The following LRRC28 variants were observed in gnomAD, a reference collection of about 807,000 sequenced individuals.
LRRC28 encodes leucine-rich repeat-containing protein 28.
LRRC28 carries 39 observed loss-of-function variants against 45.7 expected under a neutral mutation model. The observed-to-expected ratio is 0.85, with a 90% CI of 0.66 to 1.12. The LOEUF (loss-of-function observed/expected upper bound fraction) is 1.12, where lower values mean the gene tolerates loss of function less well. LRRC28 is among the 50% of genes most tolerant of loss of function. The pLI is 0.00. For synonymous variants in LRRC28, 206 were observed against 178.8 expected (o/e 1.15, Z -1.22); for missense variants, 435 against 438.5 (o/e 0.99, Z 0.07).
intron 7 of LRRC28, among the ~76,000 whole-genome samples, chr15:99,356,606 G>A (rs1180568409): frequency 6.6e-6 from 1 of 152,068 alleles, no homozygotes; most frequent in African/African-American, 2.4e-5. Context: ...AAGGAAAATA[G>A]GGAGAGAATG....
At chr15:99,360,352 T>C (rs1323050665) in intron 7 of LRRC28, among the ~76,000 whole-genome samples, 1 of 152,002 alleles carries the variant, frequency 6.6e-6, no homozygotes, top group Non-Finnish European at 1.5e-5. Context: ...CTGGACAGAG[T>C]CAGTCAACCC....
intron 6 of LRRC28, among the ~76,000 whole-genome samples, chr15:99,346,531 C>T (rs1029290673): frequency 2.0e-5 from 3 of 152,032 alleles, no homozygotes; most frequent in African/African-American, 7.2e-5. Flanking sequence ...CTGGCAATGC[C>T]GTGTTGAGAC....
chr15:99,382,173 C>T (rs528074614), intron 9 of LRRC28, among the ~76,000 whole-genome samples: 2 of 152,362 alleles, frequency 1.3e-5, no homozygotes, highest in Non-Finnish European at 2.9e-5. Context: ...CTGCGGTGGG[C>T]TCCACCCAGT....
intron 5 of LRRC28, among the ~76,000 whole-genome samples, chr15:99,301,832 A>C (rs1954980121): frequency 1.3e-5 from 2 of 152,176 alleles, no homozygotes; most frequent in Non-Finnish European, 1.5e-5. Flanking sequence ...ACATATGTAA[A>C]ATTATGATAT....
intron 5 of LRRC28, among the ~76,000 whole-genome samples, chr15:99,292,396 C>T (rs1338477024): frequency 5.2e-5 from 7 of 133,416 alleles, no homozygotes; most frequent in East Asian, 2.4e-4. Flanking sequence ...CTCGCTCTGT[C>T]GCCCAGGCCG....
chr15:99,370,963 A>G (rs1251299083), intron 9 of LRRC28, among the ~76,000 whole-genome samples: 1 of 152,214 alleles, frequency 6.6e-6, no homozygotes, highest in Non-Finnish European at 1.5e-5. Flanking sequence ...TTTAATTATT[A>G]AAACATTAGT....
chr15:99,277,252 C>G (rs2081642839), intron 3 of LRRC28, among the ~76,000 whole-genome samples: 1 of 151,980 alleles, frequency 6.6e-6, no homozygotes, highest in Non-Finnish European at 1.5e-5. Flanking sequence ...TTCAAGAGGT[C>G]AAGGAAGGAA....
At chr15:99,285,546 T>C (rs1189425425) in intron 3 of LRRC28, 26 of 1,046,522 alleles carry the variant, frequency 2.5e-5, no homozygotes, top group Non-Finnish European at 3.4e-5. Flanking sequence ...TCCTCAGCTG[T>C]TCGGGCTCTT....
rs570777694 is a variant in LRRC28, at chr15:99,291,078, T to G, written c.385+3127T>G. Reference sequence around the variant, plus strand: ...ATGTGGTAGAATATAGTCATTGCCTTCCATTATATATTCTTAGAGGTTAAG... The same window carrying G: ...ATGTGGTAGAATATAGTCATTGCCTGCCATTATATATTCTTAGAGGTTAAG... On this transcript the variant is annotated intron_variant, in intron 5 of 9. Coordinates refer to ENST00000301981, the MANE Select transcript of LRRC28 (RefSeq NM_144598.5). Among the ~76,000 whole-genome samples the G allele has an allele frequency of 1.2e-4, 18 of 152,354 alleles. No homozygotes were observed. In the East Asian group the frequency reaches 3.5e-3, roughly 29 times the overall value.
intron 5 of LRRC28, among the ~76,000 whole-genome samples, chr15:99,332,495 T>C (rs546459282): frequency 6.6e-6 from 1 of 152,360 alleles, no homozygotes; most frequent in African/African-American, 2.4e-5. Context: ...TAAATCCTCC[T>C]ACTAACAAAA....
chr15:99,379,776 T>C (rs1234828451), intron 9 of LRRC28, among the ~76,000 whole-genome samples: 2 of 152,228 alleles, frequency 1.3e-5, no homozygotes, highest in African/African-American at 4.8e-5. Context: ...ACATCTTTAT[T>C]TCTGCCTTCA....
chr15:99,285,625 A>G lies in LRRC28; in HGVS notation c.210-1632A>G, dbSNP rs2081938511. 4 of 661,888 alleles carry G rather than the reference A, an allele frequency of 6.0e-6. No homozygotes were observed. In the South Asian group the frequency reaches 7.3e-5, roughly 12 times the overall value. 41.0% of individuals were successfully genotyped at this position (661,888 alleles called of 1,614,324 possible). On this transcript the variant is annotated intron_variant, in intron 3 of 9. Transcript: ENST00000301981. ...TAACGATGCTTCCTCAGCAGCATCC[A>G]TGGGCAGCCACTGTGTACTATTTCA...
At chr15:99,351,735 C>T (rs964240101) in intron 6 of LRRC28, among the ~76,000 whole-genome samples, 1 of 152,176 alleles carries the variant, frequency 6.6e-6, no homozygotes, top group Non-Finnish European at 1.5e-5. Context: ...AAAAGTTATT[C>T]AGTGGCACTT....
intron 6 of LRRC28, among the ~76,000 whole-genome samples, chr15:99,336,107 A>G (rs530179895): frequency 2.6e-5 from 4 of 152,204 alleles, no homozygotes; most frequent in Non-Finnish European, 5.9e-5. Flanking sequence ...CAATAATGGT[A>G]TTATGTATAC....
intron 7 of LRRC28, among the ~76,000 whole-genome samples, chr15:99,356,575 C>T (rs1957053213): frequency 6.6e-6 from 1 of 152,056 alleles, no homozygotes; most frequent in Non-Finnish European, 1.5e-5. Flanking sequence ...GAATCTTATG[C>T]ATGTATAATT....
rs991963278 is a variant in LRRC28, at chr15:99,310,045, G to A, written c.385+22094G>A. 4.6e-5 allele frequency among the ~76,000 whole-genome samples: 7 copies of A among 152,292 alleles called. No homozygotes were observed. In the East Asian group the frequency reaches 7.7e-4, roughly 17 times the overall value. Reference sequence around the variant, plus strand: ...GACTTCTGAGGGTCATGTGAAAATCGTACAGAAGTCAAAAGTGAACTGTTA... The same window carrying A: ...GACTTCTGAGGGTCATGTGAAAATCATACAGAAGTCAAAAGTGAACTGTTA... On this transcript the variant is annotated intron_variant, in intron 5 of 9. Transcript: ENST00000301981.
chr15:99,368,096 A>T (rs1567702865), intron 9 of LRRC28, among the ~76,000 whole-genome samples: 1 of 152,196 alleles, frequency 6.6e-6, no homozygotes, highest in Non-Finnish European at 1.5e-5. Flanking sequence ...ATTTCACAAT[A>T]CCACATCCCC....
At position 99,387,856 on chromosome 15, in the gene LRRC28, A is replaced by G. The variant is rs1958073691; in HGVS notation, c.*1754A>G. 2.0e-5 allele frequency: 3 copies of G among 152,218 alleles called. No homozygotes were observed. The South Asian group carries it at 6.2e-4, about 31-fold the overall frequency. The allele number at this position is 152,218 out of a possible 1,614,324, so 9.4% of individuals were successfully genotyped here. On this transcript the variant is annotated 3_prime_UTR_variant, in exon 10 of 10. Transcript: ENST00000301981. ...GACTTTATAATGCTACGCTCTTAAC[A>G]GTGCCAAAAATCCTACATAGTTACT... is the stretch of plus-strand genomic sequence containing the variant.
At chr15:99,257,749 A>G in intron 2 of LRRC28, 1 of 773,030 alleles carries the variant, frequency 1.3e-6, no homozygotes, top group Non-Finnish European at 2.4e-6. Context: ...AAAAGTAGAC[A>G]AGGCTCAAGG....
Sources: gnomAD v4.1 joint callset for allele counts (sites outside exome capture counted in the v4.1 genomes callset) on GRCh38, gnomAD v4.1.1 for gene constraint, MANE v1.5 for transcripts, NCBI Gene and HGNC (gene_info 2026-07-23, HGNC 2026-07-21) for gene names.